Variants in ACVR1C observed in about 807,000 individuals in gnomAD.
ACVR1C encodes activin receptor type-1C.
In ACVR1C, 23 loss-of-function variants were observed where a neutral mutation model predicts 57.9. The observed-to-expected ratio is 0.40, with a 90% CI of 0.29 to 0.56. ACVR1C has a LOEUF of 0.56. Ranked by LOEUF, ACVR1C falls within the 20% of genes least tolerant of loss-of-function variation. The pLI is 0.50. For synonymous variants in ACVR1C, 214 were observed against 215.3 expected, an observed-to-expected ratio of 0.99 and a Z score of 0.05; for missense variants, 480 against 607.9, an observed-to-expected ratio of 0.79 and a Z score of 2.21.
intron 2 of ACVR1C, among the ~76,000 whole-genome samples, chr2:157,564,996 T>C (rs1175381483): frequency 6.6e-6 from 1 of 151,996 alleles, no homozygotes; most frequent in Non-Finnish European, 1.5e-5. Flanking sequence ...TTAGGACAAA[T>C]AGCCAATGCA....
chr2:157,534,898 G>A (rs1030948326), intron 8 of ACVR1C, among the ~76,000 whole-genome samples: 5 of 152,134 alleles, frequency 3.3e-5, no homozygotes, highest in Admixed American at 6.6e-5. Flanking sequence ...TCTCATGCCT[G>A]TAATTCTAGC....
intron 2 of ACVR1C, among the ~76,000 whole-genome samples, chr2:157,579,846 G>T (rs1260542488): frequency 6.6e-6 from 1 of 152,080 alleles, no homozygotes. Context: ...ATTTATAAAT[G>T]TCCTGGCTGA....
rs1373383242 is a variant in ACVR1C at position 157,532,130 on chromosome 2, T to C, written c.*1788A>G. 2 of 152,132 alleles carry C rather than the reference T, an allele frequency of 1.3e-5. No homozygotes were observed. The highest frequency in any genetic ancestry group is 2.4e-5 in the African/African-American group (1 of 41,444). The allele number at this position is 152,132 out of a possible 1,614,324, so 9.4% of individuals were successfully genotyped here. ...TTATTTCAACTCAGTAAAATGAAGA[T>C]AGATTCAGTAACATATTTCCATAGT... On this transcript the variant is annotated 3_prime_UTR_variant, in exon 9 of 9. Transcript: ENST00000243349.
intron 6 of ACVR1C, among the ~76,000 whole-genome samples, chr2:157,542,063 T>C (rs533861108): frequency 2.0e-5 from 3 of 152,346 alleles, no homozygotes; most frequent in African/African-American, 7.2e-5. Flanking sequence ...GTATATGTTG[T>C]TACTTCATGC....
intron 1 of ACVR1C, among the ~76,000 whole-genome samples, chr2:157,619,955 A>C (rs1410213618): frequency 6.7e-6 from 1 of 150,332 alleles, no homozygotes; most frequent in Non-Finnish European, 1.5e-5. Flanking sequence ...GAAATGTGGC[A>C]AAAAAAAACT....
At chr2:157,534,828 A>G (rs1001486466) in intron 8 of ACVR1C, among the ~76,000 whole-genome samples, 1 of 152,122 alleles carries the variant, frequency 6.6e-6, no homozygotes, top group Non-Finnish European at 1.5e-5. Context: ...CGCATGTAAT[A>G]GAGAGTACAG....
At chr2:157,541,904 T>C (rs1292995582) in intron 6 of ACVR1C, among the ~76,000 whole-genome samples, 2 of 152,208 alleles carry the variant, frequency 1.3e-5, no homozygotes, top group African/African-American at 4.8e-5. Context: ...TTCAAGGTCA[T>C]GAACTCTGGA....
Position 157,550,291 on chromosome 2 carries a change from C to T in ACVR1C, c.646G>A (p.Gly216Arg). Reference protein sequence around the residue: ...FGEVWHGRWCGEDVAVKIFSS... With the variant: ...FGEVWHGRWCREDVAVKIFSS... ...AATATTTTCACAGCCACATCTTCCC[C>T]ACACCATCTTCCATGCCACACCTCA... The change falls in exon 4 of 9, where the codon GGG becomes AGG. Residue 216 changes from glycine (G) to arginine (R), a missense_variant. Transcript: ENST00000243349. 6.2e-7 allele frequency: 1 copy of T among 1,614,124 alleles called. No individual in the cohort carries two copies. The highest frequency in any genetic ancestry group is 8.5e-7 in the Non-Finnish European group (1 of 1,180,022).
At chr2:157,579,899 G>T (rs989731465) in intron 2 of ACVR1C, among the ~76,000 whole-genome samples, 3 of 152,104 alleles carry the variant, frequency 2.0e-5, no homozygotes, top group African/African-American at 7.2e-5. Flanking sequence ...TGGGAAAAAT[G>T]GAATACCAGC....
intron 8 of ACVR1C, among the ~76,000 whole-genome samples, chr2:157,535,833 G>T (rs529936453): frequency 1.3e-5 from 2 of 152,178 alleles, no homozygotes; most frequent in Non-Finnish European, 2.9e-5. Flanking sequence ...CTAGAGTTCA[G>T]GAGAGCACGA....
intron 2 of ACVR1C, among the ~76,000 whole-genome samples, chr2:157,575,026 A>C (rs777312814): frequency 6.6e-6 from 1 of 152,202 alleles, no homozygotes; most frequent in Non-Finnish European, 1.5e-5. Context: ...TATTGGTGCA[A>C]TCATAGCTCA....
chr2:157,608,214 A>G (rs980909878), intron 1 of ACVR1C, among the ~76,000 whole-genome samples: 7 of 151,916 alleles, frequency 4.6e-5, no homozygotes, highest in Non-Finnish European at 7.4e-5. Flanking sequence ...AATTTTATCA[A>G]ATACTTTTTC....
Position 157,575,123 on chromosome 2 carries a change from G to A in ACVR1C, c.304+12064C>T, listed in dbSNP as rs115946334. On this transcript the variant is annotated intron_variant, in intron 2 of 8. Coordinates refer to ENST00000243349, the MANE Select transcript of ACVR1C (RefSeq NM_145259.3). The stretch of plus-strand genomic sequence containing the variant: ...ACTACAAGTGTGCACCACCATACCC[G>A]GCAAGTTCTTTTTTTTTTTTTTTTG... Among the ~76,000 whole-genome samples, 633 of 149,910 alleles carry A rather than the reference G, an allele frequency of 4.2e-3. 7 individuals are homozygous for A. Among genetic ancestry groups the A allele is most frequent in the African/African-American group, 0.015 (610 of 40,406 alleles).
chr2:157,590,476 T>G (rs1689034683), intron 1 of ACVR1C, among the ~76,000 whole-genome samples: 1 of 151,952 alleles, frequency 6.6e-6, no homozygotes, highest in Non-Finnish European at 1.5e-5. Context: ...CTATCAATAA[T>G]TTTTCTTAAC....
chr2:157,583,240 T>C (rs1688833394), intron 2 of ACVR1C, among the ~76,000 whole-genome samples: 1 of 152,210 alleles, frequency 6.6e-6, no homozygotes, highest in African/African-American at 2.4e-5. Context: ...ATACTAGCAA[T>C]TAACATTTAG....
In ACVR1C at chr2:157,544,431, A is replaced by C; in HGVS notation, c.943+14T>G. On this transcript the variant is annotated intron_variant, in intron 5 of 8. Coordinates refer to ENST00000243349, the MANE Select transcript of ACVR1C (RefSeq NM_145259.3). ...ATATTCAAAGTGGAAAAAAAATGAA[A>C]AGGAAATACATACCTTGTGTACCAA... is the stretch of plus-strand genomic sequence containing the variant. 1.3e-6 allele frequency: 2 copies of C among 1,587,646 alleles called. No individual in the cohort carries two copies.
chr2:157,555,071 A>T (rs1688063923), intron 3 of ACVR1C, among the ~76,000 whole-genome samples: 1 of 145,190 alleles, frequency 6.9e-6, no homozygotes, highest in Admixed American at 6.8e-5. Flanking sequence ...AGGCTCATTT[A>T]GGCTATAATA....
intron 2 of ACVR1C, among the ~76,000 whole-genome samples, chr2:157,565,963 T>A (rs535151453): frequency 5.9e-5 from 9 of 152,310 alleles, no homozygotes; most frequent in Admixed American, 4.6e-4. Flanking sequence ...ATAAAAAGTA[T>A]AAAGAACTTT....
At chr2:157,614,674 C>T (rs1448315075) in intron 1 of ACVR1C, among the ~76,000 whole-genome samples, 1 of 152,154 alleles carries the variant, frequency 6.6e-6, no homozygotes, top group Non-Finnish European at 1.5e-5. Context: ...CATTTTGAAG[C>T]TCTATGGCTA....
Sources: gnomAD v4.1 joint callset for allele counts (sites outside exome capture counted in the v4.1 genomes callset) on GRCh38, gnomAD v4.1.1 for gene constraint, MANE v1.5 for transcripts, NCBI Gene and HGNC (gene_info 2026-07-23, HGNC 2026-07-21) for gene names.